Variants in PLD1 observed in about 807,000 individuals in gnomAD.
The protein encoded by PLD1 is phospholipase D1.
PLD1 carries 112 observed loss-of-function variants against 137.1 expected under a neutral mutation model. That is an observed-to-expected ratio of 0.82 (90% CI 0.70 to 0.96). The LOEUF (loss-of-function observed/expected upper bound fraction) is 0.96. Among genes scored for constraint, PLD1 ranks in the 40% least tolerant of loss-of-function variants. The pLI is 0.00. For missense variants in PLD1, 1,321 were observed against 1,342.0 expected, an observed-to-expected ratio of 0.98 and a Z score of 0.24; for synonymous variants, 431 against 454.7, an observed-to-expected ratio of 0.95 and a Z score of 0.66.
intron 1 of PLD1, among the ~76,000 whole-genome samples, chr3:171,808,146 C>T (rs980361806): frequency 6.6e-6 from 1 of 152,092 alleles, no homozygotes; most frequent in Non-Finnish European, 1.5e-5. Flanking sequence ...GGTGACGGGA[C>T]CAGTTGTACC....
At chr3:171,650,737 A>AGT (rs1736660099) in intron 21 of PLD1, among the ~76,000 whole-genome samples, 1 of 152,076 alleles carries the variant, frequency 6.6e-6, no homozygotes, top group Non-Finnish European at 1.5e-5. Flanking sequence ...AGAAAATAGT[A>AGT]GTGTGTGTGT....
At chr3:171,692,592 CTCACTGCAACCTCCACCTCTCGGGT>C (rs1377558442) in intron 12 of PLD1, 150 bp from the exon 13 acceptor site, 3 of 570,706 alleles carry the variant, frequency 5.3e-6, no homozygotes, top group African/African-American at 3.9e-5. Flanking sequence ...GCAATCTCGG[CTCACTGCAACCTCCACCTCTCGGGT>C]TCAAGCAATT....
intron 1 of PLD1, chr3:171,792,604 A>G (rs1442636458): frequency 4.4e-6 from 2 of 456,728 alleles, no homozygotes; most frequent in Non-Finnish European, 8.8e-6. Context: ...GCTGAGGCTG[A>G]TGGAGCAAGT....
chr3:171,682,343 T>A (rs1714101341), intron 16 of PLD1, among the ~76,000 whole-genome samples: 2 of 152,222 alleles, frequency 1.3e-5, no homozygotes, highest in Admixed American at 1.3e-4. Context: ...AGTGCAGTTT[T>A]TCTATATAAA....
intron 21 of PLD1, among the ~76,000 whole-genome samples, chr3:171,647,708 G>A (rs568221405): frequency 1.3e-5 from 2 of 152,238 alleles, no homozygotes; most frequent in African/African-American, 2.4e-5. Context: ...GCCTCCCAAA[G>A]TGCTGGGCTT....
intron 22 of PLD1, among the ~76,000 whole-genome samples, chr3:171,643,553 A>G (rs542923084): frequency 5.0e-4 from 76 of 152,164 alleles, no homozygotes; most frequent in Non-Finnish European, 9.8e-4. Context: ...ATGTTTTTGC[A>G]TAATAAAAGG....
At chr3:171,632,842 T>G (rs1734790153) in intron 23 of PLD1, among the ~76,000 whole-genome samples, 1 of 152,248 alleles carries the variant, frequency 6.6e-6, no homozygotes. Context: ...CACATCTATG[T>G]GCCATGCCAA....
chr3:171,714,115 G>A, intron 8 of PLD1, 70 bp from the exon 9 acceptor site: 1 of 955,616 alleles, frequency 1.0e-6, no homozygotes, highest in Non-Finnish European at 1.7e-6. Flanking sequence ...TAATCATTAT[G>A]ACAAGTCTTA....
At chr3:171,724,035 A>G (rs1718329326) in intron 8 of PLD1, among the ~76,000 whole-genome samples, 2 of 152,182 alleles carry the variant, frequency 1.3e-5, no homozygotes, top group African/African-American at 4.8e-5. Flanking sequence ...CCATTCATCA[A>G]TTGATGAACA....
At chr3:171,774,739 C>G (rs1229821380) in intron 1 of PLD1, among the ~76,000 whole-genome samples, 6 of 152,116 alleles carry the variant, frequency 3.9e-5, no homozygotes, top group Non-Finnish European at 8.8e-5. Context: ...CAAGCCAGCT[C>G]GGGGCTGGAG....
At chr3:171,748,532 G>A (rs1163560402) in intron 1 of PLD1, among the ~76,000 whole-genome samples, 1 of 152,108 alleles carries the variant, frequency 6.6e-6, no homozygotes. Flanking sequence ...TTTCACGTAT[G>A]AGAAGAATGG....
At chr3:171,760,525 A>T (rs1688140233) in intron 1 of PLD1, among the ~76,000 whole-genome samples, 1 of 152,328 alleles carries the variant, frequency 6.6e-6, no homozygotes, top group Admixed American at 6.5e-5. Context: ...TAAACTGCCT[A>T]AAATAACCTA....
At chr3:171,689,102 T>G (rs537770256) in intron 13 of PLD1, among the ~76,000 whole-genome samples, 11 of 152,140 alleles carry the variant, frequency 7.2e-5, no homozygotes, top group African/African-American at 2.6e-4. Context: ...ATATACTATA[T>G]TTTGGGGCAG....
In PLD1 at chr3:171,724,778, T is replaced by C. The variant is rs748087277; in HGVS notation, c.676A>G (p.Ile226Val). ...DLGPKGIEGM[I>V]MKRSGGHRIP... is the part of the protein sequence containing the mutation. ...CTGTGTCCTCCAGATCTTTTCATTA[T>C]CATACCTTCTCTGAAAGAGACAGAA... is the stretch of plus-strand genomic sequence containing the variant. The change falls in exon 8 of 27, where the codon ATA (isoleucine) becomes GTA (valine). Residue 226 changes from isoleucine (I) to valine (V), a missense_variant. Coordinates refer to ENST00000351298, the MANE Select transcript of PLD1 (RefSeq NM_002662.5). 8.1e-6 allele frequency: 13 copies of C among 1,601,594 alleles called. No individual in the cohort carries two copies. The Admixed American group carries it at 1.5e-4, about 18-fold the overall frequency.
At chr3:171,698,949 C>G (rs1440247478) in intron 12 of PLD1, among the ~76,000 whole-genome samples, 1 of 143,274 alleles carries the variant, frequency 7.0e-6, no homozygotes, top group Non-Finnish European at 1.5e-5. Flanking sequence ...GCACTCCAGC[C>G]TGGGCAACAA....
In PLD1 at chr3:171,796,205, T is replaced by A. The variant is rs181103550; in HGVS notation, c.-32+14194A>T. Among the ~76,000 whole-genome samples the A allele has an allele frequency of 5.3e-5, 8 of 152,356 alleles. 1 individual carries two copies. Among genetic ancestry groups the A allele is most frequent in the African/African-American group, 1.9e-4 (8 of 41,586 alleles). Reference sequence around the variant, plus strand: ...ATATGTCCCTTACCCAAAAGGAGTTTATGATCCAGTGGGAAAGACAGAGTT... The same window carrying A: ...ATATGTCCCTTACCCAAAAGGAGTTAATGATCCAGTGGGAAAGACAGAGTT... On this transcript the variant is annotated intron_variant, in intron 1 of 26. Coordinates refer to ENST00000351298, the MANE Select transcript of PLD1 (RefSeq NM_002662.5).
chr3:171,609,902 A>C (rs1337412455), intron 25 of PLD1, among the ~76,000 whole-genome samples: 1 of 152,194 alleles, frequency 6.6e-6, no homozygotes, highest in Non-Finnish European at 1.5e-5. Context: ...ATTGTATAAA[A>C]ATAATAAAAA....
At chr3:171,685,966 A>G (rs1410520325) in intron 16 of PLD1, among the ~76,000 whole-genome samples, 4 of 152,066 alleles carry the variant, frequency 2.6e-5, no homozygotes, top group Non-Finnish European at 5.9e-5. Flanking sequence ...TAAAAGTACA[A>G]AAATTAGCCA....
chr3:171,741,965 A>G (rs74487248), intron 1 of PLD1, among the ~76,000 whole-genome samples: 5,121 of 152,344 alleles, frequency 0.034, 311 homozygotes, highest in African/African-American at 0.12. Flanking sequence ...ACTACATGCC[A>G]GGTTTTGTAC....
Sources: allele counts gnomAD v4.1 joint callset (sites outside exome capture counted in the v4.1 genomes callset), GRCh38; gene constraint gnomAD v4.1.1; transcripts MANE v1.5; gene names NCBI Gene and HGNC (gene_info 2026-07-23, HGNC 2026-07-21).